The following YIF1B variants were observed in gnomAD, a reference collection of about 807,000 sequenced individuals.
YIF1B encodes the protein Yip1 interacting factor homolog B, membrane trafficking protein.
A neutral mutation model predicts 34.6 loss-of-function variants in YIF1B; 24 were observed. The observed-to-expected ratio is 0.69, with a 90% CI of 0.50 to 0.98. The LOEUF (loss-of-function observed/expected upper bound fraction) is 0.98, where lower values mean the gene tolerates loss of function less well. Ranked by LOEUF, YIF1B falls within the 50% of genes least tolerant of loss-of-function variation. The pLI, the probability that YIF1B is intolerant of heterozygous loss-of-function variation, is 0.00. For synonymous variants in YIF1B, 186 were observed against 184.8 expected (o/e 1.01, Z -0.05); for missense variants, 368 against 429.4 (o/e 0.86, Z 1.26).
Position 38,304,043 on chromosome 19 carries a change from A to G in YIF1B, c.*1309T>C. On this transcript the variant is annotated 3_prime_UTR_variant, in exon 8 of 8. Coordinates refer to ENST00000339413, the MANE Select transcript of YIF1B (RefSeq NM_001039672.3). ...CTCAGTCGGCCTCCCCTGAGGCACC[A>G]AGGCTGGCGGAAGCAGTCACCTGTC... The G allele has an allele frequency of 1.6e-6, 1 of 625,408 alleles. No homozygotes were observed. The allele number at this position is 625,408 out of a possible 1,614,324, so 38.7% of individuals were successfully genotyped here.
chr19:38,309,312 G>A lies in YIF1B; in HGVS notation c.314C>T (p.Pro105Leu), dbSNP rs1969208137. ...LVDKNIDRFI[P>L]ITKLKYYFAV... The stretch of plus-strand genomic sequence containing the variant: ...AAAGTAATACTTGAGCTTGGTGATG[G>A]GGATGAAGCGGTCGATCTGGGGAGG... Residue 105 changes from proline (P) to leucine (L), a missense_variant, in exon 3 of 8, where the codon CCC becomes CTC. Coordinates refer to ENST00000339413, the MANE Select transcript of YIF1B (RefSeq NM_001039672.3). The A allele has an allele frequency of 1.4e-5, 22 of 1,614,000 alleles. No individual in the cohort carries two copies. Among genetic ancestry groups the A allele is most frequent in the Non-Finnish European group, 1.7e-5 (20 of 1,180,000 alleles).
At chr19:38,315,817 C>T in intron 1 of YIF1B, 43 bp downstream of exon 1, 1 of 1,514,704 alleles carries the variant, frequency 6.6e-7, no homozygotes, top group South Asian at 1.2e-5. Flanking sequence ...GCGGCCGCCC[C>T]GCCACGCCCC....
intron 7 of YIF1B, among the ~76,000 whole-genome samples, chr19:38,305,938 T>TC (rs150691531): frequency 0.15 from 23,369 of 152,012 alleles, 1,971 homozygotes; most frequent in East Asian, 0.23. Flanking sequence ...GTGCGTTGGC[T>TC]CACGCCTGTA....
In YIF1B at chr19:38,305,305, G is replaced by A. The variant is rs773471228; in HGVS notation, c.*47C>T. On this transcript the variant is annotated 3_prime_UTR_variant, in exon 8 of 8. Coordinates refer to ENST00000339413, the MANE Select transcript of YIF1B (RefSeq NM_001039672.3). ...GCAGGAGATGAGTTCGGCGGCCACA[G>A]TGGCCCCCAGCAGCAGCAGCAGCAG... 1.9e-6 allele frequency: 3 copies of A among 1,579,888 alleles called. No individual in the cohort carries two copies. The Admixed American group carries it at 5.1e-5, about 27-fold the overall frequency.
rs755257428 is a variant in YIF1B at position 38,307,509 on chromosome 19, C to T, written c.708G>A (p.Gly236=). 3 of 1,613,872 alleles carry T rather than the reference C, an allele frequency of 1.9e-6. No individual in the cohort carries two copies. Among genetic ancestry groups the T allele is most frequent in the South Asian group, 1.1e-5 (1 of 91,086 alleles). Residue 236 remains glycine, a synonymous_variant, in exon 7 of 8, where the codon GGG becomes GGA. Coordinates refer to ENST00000339413, the MANE Select transcript of YIF1B (RefSeq NM_001039672.3). ...TCCCGAAGAGCAGGCCCATGAGGAC[C>T]CCGCCAATCATCCTGGGGGAGGGAG... ...LGYKYVGMIG[G]VLMGLLFGKI... is the part of the protein sequence containing the mutation.
rs1330675047 is a variant in YIF1B at position 38,304,344 on chromosome 19, C to A, written c.*1008G>T. ...GGGCCGGACTCAAGCCCAGAAGCTGCCTGCACCAACCACCCAACTTCTCTC... is the reference window on the plus strand; with the variant it reads ...GGGCCGGACTCAAGCCCAGAAGCTGACTGCACCAACCACCCAACTTCTCTC... On this transcript the variant is annotated 3_prime_UTR_variant, in exon 8 of 8. Transcript: ENST00000339413. 6.2e-7 allele frequency: 1 copy of A among 1,608,930 alleles called. No individual in the cohort carries two copies. Among genetic ancestry groups the A allele is most frequent in the Non-Finnish European group, 8.5e-7 (1 of 1,178,464 alleles).
rs896159692 is a variant in YIF1B at position 38,305,055 on chromosome 19, C to G, written c.*297G>C. 1.3e-6 allele frequency: 2 copies of G among 1,534,352 alleles called. No homozygotes were observed. Among genetic ancestry groups the G allele is most frequent in the Admixed American group, 2.0e-5 (1 of 49,166 alleles). On this transcript the variant is annotated 3_prime_UTR_variant, in exon 8 of 8. Coordinates refer to ENST00000339413, the MANE Select transcript of YIF1B (RefSeq NM_001039672.3). The stretch of plus-strand genomic sequence containing the variant: ...ACTCTGGCCCGTCCCCAGCTCCCTG[C>G]CCCCTGCCCAGCGCTGGGCCCGCCC...
chr19:38,308,101 C>T (rs1969142201), intron 5 of YIF1B, among the ~76,000 whole-genome samples: 2 of 152,152 alleles, frequency 1.3e-5, no homozygotes, highest in South Asian at 4.1e-4. Flanking sequence ...CAGGGCCTCA[C>T]CAGTTAGTTA....
At position 38,304,419 on chromosome 19, in the gene YIF1B, G is replaced by T; in HGVS notation, c.*933C>A. 1 of 1,562,676 alleles carries T rather than the reference G, an allele frequency of 6.4e-7. No individual in the cohort carries two copies. On this transcript the variant is annotated 3_prime_UTR_variant, in exon 8 of 8. Coordinates refer to ENST00000339413, the MANE Select transcript of YIF1B (RefSeq NM_001039672.3). ...GAAGCCCGGTGTGGGGGCGGGCCAC[G>T]GGGGAGATCCCAAGCTCAGTCCCCA...
Position 38,305,070 on chromosome 19 carries a change from T to C in YIF1B, c.*282A>G. 1 of 1,516,992 alleles carries C rather than the reference T, an allele frequency of 6.6e-7. No individual in the cohort carries two copies. 94.0% of individuals were successfully genotyped at this position (1,516,992 alleles called of 1,614,324 possible). ...CAGCTCCCTGCCCCCTGCCCAGCGC[T>C]GGGCCCGCCCATTCGTGCGCGAGGC... On this transcript the variant is annotated 3_prime_UTR_variant, in exon 8 of 8. Coordinates refer to ENST00000339413, the MANE Select transcript of YIF1B (RefSeq NM_001039672.3).
At position 38,304,979 on chromosome 19, in the gene YIF1B, G is replaced by A; in HGVS notation, c.*373C>T. ...CTCCCCACTGAAGGGCCCTGGACAG[G>A]GCTCATTAAACCTTCCTCTCTGCCT... is the stretch of plus-strand genomic sequence containing the variant. On this transcript the variant is annotated 3_prime_UTR_variant, in exon 8 of 8. Transcript: ENST00000339413. The A allele has an allele frequency of 6.3e-7, 1 of 1,586,506 alleles. No homozygotes were observed. The highest frequency in any genetic ancestry group is 8.6e-7 in the Non-Finnish European group (1 of 1,167,162).
At chr19:38,313,489 G>A (rs1969408044) in intron 1 of YIF1B, among the ~76,000 whole-genome samples, 1 of 151,688 alleles carries the variant, frequency 6.6e-6, no homozygotes. Flanking sequence ...TTGATCTCCT[G>A]ACCTCATGAT....
At chr19:38,307,230 G>A (rs1010255649) in intron 7 of YIF1B, 198 bp downstream of exon 7, 23 of 609,828 alleles carry the variant, frequency 3.8e-5, no homozygotes, top group Non-Finnish European at 6.8e-5. Context: ...CCTGGCTGGT[G>A]TCTCCTCTTC....
chr19:38,307,792 G>C (rs1568354550), intron 5 of YIF1B, 40 bp from the exon 6 acceptor site: 1 of 1,606,324 alleles, frequency 6.2e-7, no homozygotes, highest in South Asian at 1.1e-5. Flanking sequence ...GGCTGGTTCA[G>C]ACCCCCCACC....
At position 38,305,010 on chromosome 19, in the gene YIF1B, G is replaced by A. The variant is rs1463953411; in HGVS notation, c.*342C>T. 1.3e-6 allele frequency: 2 copies of A among 1,558,294 alleles called. No homozygotes were observed. Among genetic ancestry groups the A allele is most frequent in the South Asian group, 2.3e-5 (2 of 85,216 alleles). On this transcript the variant is annotated 3_prime_UTR_variant, in exon 8 of 8. Coordinates refer to ENST00000339413, the MANE Select transcript of YIF1B (RefSeq NM_001039672.3). ...TTAAACCTTCCTCTCTGCCTTCTGC[G>A]ACTGGTCAGCGTGGTGCCTACTCTG...
At chr19:38,306,161 G>A (rs916827680) in intron 7 of YIF1B, among the ~76,000 whole-genome samples, 1 of 124,088 alleles carries the variant, frequency 8.1e-6, no homozygotes, top group African/African-American at 3.1e-5. Flanking sequence ...CCAAGATCCC[G>A]CCACTGCACT....
Position 38,304,935 on chromosome 19 carries a change from A to C in YIF1B, c.*417T>G. 1 of 1,611,322 alleles carries C rather than the reference A, an allele frequency of 6.2e-7. No homozygotes were observed. The highest frequency in any genetic ancestry group is 1.1e-5 in the South Asian group (1 of 90,844). Reference sequence around the variant, plus strand: ...GAAGAAGGAGAAGGGCAAGAAGGAGAAGGGCAAGAAGAAGGAGGCTCCCCA... The same window carrying C: ...GAAGAAGGAGAAGGGCAAGAAGGAGCAGGGCAAGAAGAAGGAGGCTCCCCA... On this transcript the variant is annotated 3_prime_UTR_variant, in exon 8 of 8. Coordinates refer to ENST00000339413, the MANE Select transcript of YIF1B (RefSeq NM_001039672.3).
Position 38,308,992 on chromosome 19 carries a change from G to T in YIF1B, c.468C>A (p.Asp156Glu). Residue 156 changes from aspartate (D) to glutamate (E), a missense_variant, in exon 4 of 8, where the codon GAC becomes GAA. By Grantham distance (45) the Asp-to-Glu change is conservative (BLOSUM62 2). This residue lies in a region of YIF1B where 208 missense variants were observed against 247.8 expected (regional missense o/e 0.84). Coordinates refer to ENST00000339413, the MANE Select transcript of YIF1B (RefSeq NM_001039672.3). ...VAPRFDVNAP[D>E]LYIPAMAFIT... is the part of the protein sequence containing the mutation. The stretch of plus-strand genomic sequence containing the variant: ...GGAGGGTGAAACCTGGAATGTAGAG[G>T]TCCGGGGCATTGACGTCAAAGCGGG... The T allele has an allele frequency of 1.3e-6, 2 of 1,593,798 alleles. No homozygotes were observed. Among genetic ancestry groups the T allele is most frequent in the East Asian group, 2.3e-5 (1 of 44,298 alleles).
upstream of YIF1B, among the ~76,000 whole-genome samples, chr19:38,321,779 C>T (rs551086544): frequency 8.7e-4 from 133 of 152,344 alleles, 1 homozygote; most frequent in African/African-American, 3.1e-3. Flanking sequence ...GCTGCCAGGG[C>T]GGCCTGACCT....
Sources: allele counts gnomAD v4.1 joint callset (sites outside exome capture counted in the v4.1 genomes callset), GRCh38; gene constraint gnomAD v4.1.1; regional missense constraint gnomAD v4.1.1; transcripts MANE v1.5; gene names NCBI Gene and HGNC (gene_info 2026-07-23, HGNC 2026-07-21).